DLGAP1: variants seen among roughly 807,000 people sequenced by gnomAD.
DLGAP1 encodes DLG associated protein 1.
Under a neutral mutation model 90.8 loss-of-function variants are expected in DLGAP1, and 11 were observed. That is an observed-to-expected ratio of 0.12 (90% CI 0.08 to 0.20). The LOEUF is 0.20. Ranked by LOEUF, DLGAP1 falls within the 10% of genes least tolerant of loss-of-function variation. The pLI is 1.00. For synonymous variants in DLGAP1, 558 were observed against 540.7 expected, an observed-to-expected ratio of 1.03 and a Z score of -0.44; for missense variants, 1,050 against 1,333.8, an observed-to-expected ratio of 0.79 and a Z score of 3.31.
At chr18:3,788,776 A>G (rs1457617643) in intron 5 of DLGAP1, among the ~76,000 whole-genome samples, 1 of 152,236 alleles carries the variant, frequency 6.6e-6, no homozygotes, top group African/African-American at 2.4e-5. Flanking sequence ...GTAAATACAC[A>G]GAGAAATAGT....
chr18:4,182,097 C>T (rs1019458131), intron 1 of DLGAP1, among the ~76,000 whole-genome samples: 10 of 152,146 alleles, frequency 6.6e-5, no homozygotes, highest in South Asian at 6.2e-4. Flanking sequence ...TGAAGCTAGC[C>T]GTGGAAAAAG....
chr18:4,381,808 C>T (rs745452352), intron 1 of DLGAP1, among the ~76,000 whole-genome samples: 17 of 152,108 alleles, frequency 1.1e-4, no homozygotes, highest in Non-Finnish European at 2.4e-4. Context: ...AGTCTGTTTT[C>T]ATGCTGCTGA....
chr18:4,155,902 T>C (rs2076748445), intron 1 of DLGAP1, among the ~76,000 whole-genome samples: 1 of 152,176 alleles, frequency 6.6e-6, no homozygotes, highest in African/African-American at 2.4e-5. Flanking sequence ...GAGGTCAGGA[T>C]GCAGGTAGCT....
chr18:3,532,753 T>C (rs865809695), intron 10 of DLGAP1, among the ~76,000 whole-genome samples: 1 of 152,304 alleles, frequency 6.6e-6, no homozygotes, highest in Middle Eastern at 3.4e-3. Flanking sequence ...ATATCATCAG[T>C]TGGAGGATCC....
intron 4 of DLGAP1, among the ~76,000 whole-genome samples, chr18:3,820,263 A>G (rs1305711310): frequency 6.6e-6 from 1 of 152,234 alleles, no homozygotes; most frequent in Non-Finnish European, 1.5e-5. Flanking sequence ...GAAATGAAGC[A>G]TATGTCCTGA....
rs56346479 is a variant in DLGAP1 at position 3,637,944 on chromosome 18, C to CT, written c.1592-55697dup. Reference sequence around the variant, plus strand: ...TATTGTAGGTTTTTGTGCTAGGTAGCTTTTTTTTTTTTTTTTTTTTGAGAC... The same window carrying CT: ...TATTGTAGGTTTTTGTGCTAGGTAGCTTTTTTTTTTTTTTTTTTTTTGAGAC... On this transcript the variant is annotated intron_variant, in intron 7 of 12. Transcript: ENST00000315677. Among the ~76,000 whole-genome samples the CT allele has an allele frequency of 7.0e-3, 771 of 109,374 alleles. 29 individuals are homozygous for CT. The highest frequency in any genetic ancestry group is 0.017 in the African/African-American group (463 of 27,762). The allele number at this position is 109,374 out of a possible 152,430, so 71.8% of individuals were successfully genotyped here.
At chr18:4,367,400 C>T (rs2081799816) in intron 1 of DLGAP1, among the ~76,000 whole-genome samples, 1 of 151,916 alleles carries the variant, frequency 6.6e-6, no homozygotes, top group Non-Finnish European at 1.5e-5. Flanking sequence ...GCTTTCACTC[C>T]ATCTTACCAA....
rs149948791 is a variant in DLGAP1, at chr18:4,283,612, C to T, written c.-266-132325G>A. Among the ~76,000 whole-genome samples, 453 of 152,112 alleles carry T rather than the reference C, an allele frequency of 3.0e-3. 1 individual carries two copies. Among genetic ancestry groups the T allele is most frequent in the African/African-American group, 0.01 (428 of 41,506 alleles). ...GTGTACAACTTATAAAGGGAGAGTG[C>T]GAAAAGTTTCCTCATCAATAGAGTT... On this transcript the variant is annotated intron_variant, in intron 1 of 12. Transcript: ENST00000315677.
intron 9 of DLGAP1, among the ~76,000 whole-genome samples, chr18:3,534,950 C>T (rs188890158): frequency 3.9e-5 from 6 of 152,108 alleles, no homozygotes; most frequent in Non-Finnish European, 7.4e-5. Flanking sequence ...CCTCTGCCTC[C>T]CAAAGTGCTG....
rs1438857061 is a variant in DLGAP1, at chr18:3,974,289, T to A, written c.-73+30827A>T. 7.2e-5 allele frequency among the ~76,000 whole-genome samples: 11 copies of A among 152,266 alleles called. No homozygotes were observed. The East Asian group carries it at 1.7e-3, about 24-fold the overall frequency. On this transcript the variant is annotated intron_variant, in intron 3 of 12. Coordinates refer to ENST00000315677, the MANE Select transcript of DLGAP1 (RefSeq NM_004746.4). The stretch of plus-strand genomic sequence containing the variant: ...CTGGGTTTCACCATGTTGGCCAGGA[T>A]AGTCTCAATCTCCTGATCTCGAAAA...
Position 3,740,293 on chromosome 18 carries a change from A to G in DLGAP1, c.1350+2042T>C, listed in dbSNP as rs151104695. Among the ~76,000 whole-genome samples the G allele has an allele frequency of 2.6e-5, 4 of 152,330 alleles. No homozygotes were observed. The East Asian group carries it at 7.7e-4, about 29-fold the overall frequency. On this transcript the variant is annotated intron_variant, in intron 6 of 12. Coordinates refer to ENST00000315677, the MANE Select transcript of DLGAP1 (RefSeq NM_004746.4). ...ATATTACCTATTGTGAAAAAGATAA[A>G]AACAAAACAAGTCCAAAATGCACCA...
intron 2 of DLGAP1, among the ~76,000 whole-genome samples, chr18:4,007,178 T>C (rs908550580): frequency 6.6e-6 from 1 of 152,110 alleles, no homozygotes; most frequent in African/African-American, 2.4e-5. Flanking sequence ...GGAATAATTA[T>C]GGGCTTTGGA....
chr18:4,032,197 T>C (rs2074806528), intron 2 of DLGAP1, among the ~76,000 whole-genome samples: 1 of 152,214 alleles, frequency 6.6e-6, no homozygotes, highest in African/African-American at 2.4e-5. Context: ...TTTCCAAAAC[T>C]GTGCTTTCTG....
At position 3,502,628 on chromosome 18, in the gene DLGAP1, T is replaced by C. The variant is rs2049996295; in HGVS notation, c.2589A>G (p.Pro863=). Residue 863 remains proline, a synonymous_variant, in exon 12 of 13, where the codon CCA becomes CCG. Transcript: ENST00000315677. Reference sequence around the variant, plus strand: ...CCGCCAAATCCTGGGAGGTGGGTCTTGGATGAGCATTAGGATTCTGCACAA... The same window carrying C: ...CCGCCAAATCCTGGGAGGTGGGTCTCGGATGAGCATTAGGATTCTGCACAA... ...CEENLNPNAH[P]RPTSQDLAGF... 2 of 1,613,902 alleles carry C rather than the reference T, an allele frequency of 1.2e-6. No individual in the cohort carries two copies. Among genetic ancestry groups the C allele is most frequent in the East Asian group, 4.5e-5 (2 of 44,884 alleles).
At chr18:3,903,333 C>T (rs1021379658) in intron 3 of DLGAP1, among the ~76,000 whole-genome samples, 18 of 152,146 alleles carry the variant, frequency 1.2e-4, no homozygotes, top group Non-Finnish European at 2.6e-4. Flanking sequence ...AGAAACCTAC[C>T]TCCTTTTAAT....
At chr18:3,905,534 A>G (rs1466365204) in intron 3 of DLGAP1, among the ~76,000 whole-genome samples, 3 of 152,128 alleles carry the variant, frequency 2.0e-5, no homozygotes, top group African/African-American at 7.2e-5. Flanking sequence ...GGTAACAAGG[A>G]AACATCTAAA....
At chr18:4,347,879 T>C (rs551525943) in intron 1 of DLGAP1, among the ~76,000 whole-genome samples, 1 of 150,772 alleles carries the variant, frequency 6.6e-6, no homozygotes, top group East Asian at 2.0e-4. Flanking sequence ...TCCCTACTTA[T>C]AGATGATATG....
intron 3 of DLGAP1, among the ~76,000 whole-genome samples, chr18:3,885,701 A>C (rs1432597385): frequency 6.6e-6 from 1 of 152,190 alleles, no homozygotes; most frequent in Admixed American, 6.5e-5. Flanking sequence ...TGACTTCAAC[A>C]TTCTGTTTTA....
At chr18:3,759,257 C>CAAAAA (rs397754258) in intron 5 of DLGAP1, among the ~76,000 whole-genome samples, 1 of 105,136 alleles carries the variant, frequency 9.5e-6, no homozygotes. Context: ...ATTGCTCTGC[C>CAAAAA]AAAAAAAAAA....
Sources: gnomAD v4.1 joint callset for allele counts (sites outside exome capture counted in the v4.1 genomes callset) on GRCh38, gnomAD v4.1.1 for gene constraint, MANE v1.5 for transcripts, NCBI Gene and HGNC (gene_info 2026-07-23, HGNC 2026-07-21) for gene names.